TENM3: variants seen among roughly 807,000 people sequenced by gnomAD.
TENM3 encodes teneurin-3.
A neutral mutation model predicts 255.1 loss-of-function variants in TENM3; 63 were observed. That is an observed-to-expected ratio of 0.25 (90% CI 0.20 to 0.30). The LOEUF is 0.30. Among genes scored for constraint, TENM3 ranks in the 10% least tolerant of loss-of-function variants. TENM3 has a pLI of 1.00. For synonymous variants in TENM3, 1,306 were observed against 1,322.3 expected, an observed-to-expected ratio of 0.99 and a Z score of 0.27; for missense variants, 2,929 against 3,461.1, an observed-to-expected ratio of 0.85 and a Z score of 3.86.
intron 3 of TENM3, among the ~76,000 whole-genome samples, chr4:182,556,231 A>G (rs1484888846): frequency 6.6e-6 from 1 of 152,224 alleles, no homozygotes; most frequent in Non-Finnish European, 1.5e-5. Flanking sequence ...AAACTCCAAT[A>G]ACATTTACTT....
chr4:182,622,473 T>C (rs1750389968), intron 4 of TENM3, among the ~76,000 whole-genome samples: 1 of 152,244 alleles, frequency 6.6e-6, no homozygotes, highest in Non-Finnish European at 1.5e-5. Flanking sequence ...AGTCAGCCTC[T>C]ATCAAACTTA....
At chr4:181,651,623 T>C in the TENM3 span, among the ~76,000 whole-genome samples, 41 of 152,008 alleles carry the variant, frequency 2.7e-4, no homozygotes, top group African/African-American at 8.2e-4. Context: ...GATATCAACA[T>C]TTTTGTAACC....
chr4:182,631,744 TTC>T (rs1203446982), intron 5 of TENM3: 2 of 152,234 alleles, frequency 1.3e-5, no homozygotes, highest in African/African-American at 4.8e-5. Flanking sequence ...TAGAATTCCC[TTC>T]TCTTATATTG....
At chr4:181,930,474 T>C in the TENM3 span, among the ~76,000 whole-genome samples, 3 of 152,046 alleles carry the variant, frequency 2.0e-5, no homozygotes, top group Non-Finnish European at 4.4e-5. Context: ...CAGGAAGAAG[T>C]CTAATCCCTG....
At chr4:181,468,272 T>C in the TENM3 span, among the ~76,000 whole-genome samples, 536 of 152,242 alleles carry the variant, frequency 3.5e-3, no homozygotes, top group Middle Eastern at 0.02. Flanking sequence ...AGGCCCTCTC[T>C]CAAAAAATTA....
At chr4:181,535,486 C>G in the TENM3 span, among the ~76,000 whole-genome samples, 1 of 152,298 alleles carries the variant, frequency 6.6e-6, no homozygotes, top group African/African-American at 2.4e-5. Flanking sequence ...CCCCTACAGT[C>G]TCTCCTTAAT....
the TENM3 span, among the ~76,000 whole-genome samples, chr4:181,526,852 T>C: frequency 6.6e-6 from 1 of 152,218 alleles, no homozygotes; most frequent in Non-Finnish European, 1.5e-5. Flanking sequence ...AGCTTCTCTC[T>C]CTCTATCAGT....
chr4:181,488,257 T>C, the TENM3 span, among the ~76,000 whole-genome samples: 2 of 152,240 alleles, frequency 1.3e-5, no homozygotes, highest in Admixed American at 1.3e-4. Flanking sequence ...TCCATAAATA[T>C]ACTATGCATT....
chr4:182,561,374 T>C (rs1410571166), intron 3 of TENM3, among the ~76,000 whole-genome samples: 1 of 151,804 alleles, frequency 6.6e-6, no homozygotes, highest in Non-Finnish European at 1.5e-5. Flanking sequence ...AAAATGCTCA[T>C]GTTAGTGATA....
chr4:182,484,099 C>T (rs1432165384), intron 3 of TENM3, among the ~76,000 whole-genome samples: 2 of 152,194 alleles, frequency 1.3e-5, no homozygotes, highest in African/African-American at 2.4e-5. Flanking sequence ...ATGACAATGA[C>T]TAGACACCCA....
intron 3 of TENM3, among the ~76,000 whole-genome samples, chr4:182,550,948 C>T (rs145516640): frequency 0.034 from 5,194 of 152,180 alleles, 286 homozygotes; most frequent in African/African-American, 0.12. Context: ...TGGCTGGGAG[C>T]AGTGGCTCAC....
At chr4:182,484,583 A>G (rs1734522026) in intron 3 of TENM3, among the ~76,000 whole-genome samples, 1 of 152,190 alleles carries the variant, frequency 6.6e-6, no homozygotes, top group African/African-American at 2.4e-5. Flanking sequence ...GTGCCTACCT[A>G]TGAGAATTGT....
At chr4:181,977,001 A>G in the TENM3 span, among the ~76,000 whole-genome samples, 3 of 152,208 alleles carry the variant, frequency 2.0e-5, no homozygotes, top group Admixed American at 1.3e-4. Flanking sequence ...TTCCAGCAAC[A>G]CTGCAAAGAG....
intron 3 of TENM3, among the ~76,000 whole-genome samples, chr4:182,351,191 G>T (rs1561352952): frequency 6.6e-6 from 1 of 152,084 alleles, no homozygotes; most frequent in East Asian, 1.9e-4. Context: ...CCAAAGAAGG[G>T]TAAGGTTGCC....
chr4:182,778,218 T>C (rs188244532), intron 24 of TENM3, among the ~76,000 whole-genome samples: 1 of 152,094 alleles, frequency 6.6e-6, no homozygotes, highest in Non-Finnish European at 1.5e-5. Flanking sequence ...ATAATAAAAT[T>C]CATCCCCTAA....
chr4:182,463,041 C>A (rs1732199369), intron 3 of TENM3, among the ~76,000 whole-genome samples: 1 of 152,160 alleles, frequency 6.6e-6, no homozygotes, highest in Admixed American at 6.5e-5. Context: ...AGTCAGCCCT[C>A]CCCGTGTGCA....
chr4:182,077,122 T>C, the TENM3 span, among the ~76,000 whole-genome samples: 2 of 152,152 alleles, frequency 1.3e-5, no homozygotes, highest in Non-Finnish European at 2.9e-5. Context: ...ACTCTTGCCA[T>C]CATTGTGTGA....
chr4:182,204,592 T>C (rs1212187911), intron 1 of TENM3, among the ~76,000 whole-genome samples: 3 of 152,222 alleles, frequency 2.0e-5, no homozygotes, highest in African/African-American at 7.2e-5. Flanking sequence ...CCACTGTCTG[T>C]TCTGCTCAGT....
chr4:181,999,429 G>A, the TENM3 span, among the ~76,000 whole-genome samples: 1 of 152,156 alleles, frequency 6.6e-6, no homozygotes, highest in Non-Finnish European at 1.5e-5. Flanking sequence ...CTTGGAAGTT[G>A]CAGGACAGCC....
Sources: allele counts gnomAD v4.1 joint callset (sites outside exome capture counted in the v4.1 genomes callset), GRCh38; gene constraint gnomAD v4.1.1; transcripts MANE v1.5; gene names NCBI Gene and HGNC (gene_info 2026-07-23, HGNC 2026-07-21).